FRMD3: variants seen among roughly 807,000 people sequenced by gnomAD.
FRMD3 encodes FERM domain containing 3, also known as FERM domain-containing protein 3.
In FRMD3, 33 loss-of-function variants were observed where a neutral mutation model predicts 70.2. That is an observed-to-expected ratio of 0.47 (90% CI 0.36 to 0.63). The LOEUF (loss-of-function observed/expected upper bound fraction) is 0.63. Ranked by LOEUF, FRMD3 falls within the 20% of genes least tolerant of loss-of-function variation. FRMD3 has a pLI of 0.00. For synonymous variants in FRMD3, 279 were observed against 255.9 expected, an observed-to-expected ratio of 1.09 and a Z score of -0.86; for missense variants, 632 against 711.4, an observed-to-expected ratio of 0.89 and a Z score of 1.27.
At chr9:83,342,376 G>T (rs1437943501) in intron 5 of FRMD3, among the ~76,000 whole-genome samples, 1 of 152,182 alleles carries the variant, frequency 6.6e-6, no homozygotes, top group African/African-American at 2.4e-5. Flanking sequence ...CACTTCTAAT[G>T]GGCCTGCGCT....
intron 1 of FRMD3, among the ~76,000 whole-genome samples, chr9:83,533,225 C>T (rs1469873484): frequency 2.0e-5 from 3 of 152,108 alleles, no homozygotes; most frequent in Non-Finnish European, 4.4e-5. Flanking sequence ...ACCCAAATTG[C>T]TAACCTCTTT....
At chr9:83,371,074 C>T (rs72743091) in intron 3 of FRMD3, among the ~76,000 whole-genome samples, 1 of 151,980 alleles carries the variant, frequency 6.6e-6, no homozygotes, top group Non-Finnish European at 1.5e-5. Context: ...TATTTCAAAA[C>T]TGGGTATGGC....
intron 2 of FRMD3, 139 bp from the exon 3 acceptor site, chr9:83,373,094 C>T: frequency 1.5e-6 from 1 of 679,028 alleles, no homozygotes; most frequent in Non-Finnish European, 2.6e-6. Context: ...CTCTGAAGAC[C>T]AACATAAACA....
chr9:83,372,614 G>T (rs1415171987), intron 3 of FRMD3, among the ~76,000 whole-genome samples: 1 of 152,010 alleles, frequency 6.6e-6, no homozygotes, highest in East Asian at 1.9e-4. Flanking sequence ...CAGGTACCTG[G>T]TGGCTGTGTT....
In FRMD3 at chr9:83,356,271, A is replaced by ATTTTTTTTTTTTTTTTTT. The variant is rs869149609; in HGVS notation, c.296-6532_296-6515dup. 3.0e-4 allele frequency among the ~76,000 whole-genome samples: 28 copies of ATTTTTTTTTTTTTTTTTT among 94,436 alleles called. 2 individuals carry two copies. The highest frequency in any genetic ancestry group is 1.2e-3 in the African/African-American group (27 of 21,632). The allele number at this position is 94,436 out of a possible 152,430, so 62.0% of individuals were successfully genotyped here. Reference sequence around the variant, plus strand: ...TGAGAGAGAAGCATCACTCAGCAGCATTTTTTTTTTTTTTTTTTTTTTTTG... The same window carrying ATTTTTTTTTTTTTTTTTT: ...TGAGAGAGAAGCATCACTCAGCAGCATTTTTTTTTTTTTTTTTTTTTTTTTTTTTTTTTTTTTTTTTTG... On this transcript the variant is annotated intron_variant, in intron 3 of 13. Coordinates refer to ENST00000304195, the MANE Select transcript of FRMD3 (RefSeq NM_174938.6).
intron 1 of FRMD3, among the ~76,000 whole-genome samples, chr9:83,425,671 C>T (rs1306582481): frequency 2.0e-5 from 3 of 151,984 alleles, no homozygotes; most frequent in African/African-American, 4.8e-5. Context: ...TATGGGAGGC[C>T]GAGGCGGGAG....
intron 13 of FRMD3, among the ~76,000 whole-genome samples, chr9:83,264,309 A>G (rs571900343): frequency 7.9e-5 from 12 of 152,286 alleles, no homozygotes; most frequent in Admixed American, 7.8e-4. Flanking sequence ...GAATTAGGGG[A>G]AGAGAGAGAG....
intron 13 of FRMD3, among the ~76,000 whole-genome samples, chr9:83,275,061 T>C (rs1478163659): frequency 1.3e-5 from 2 of 151,972 alleles, no homozygotes; most frequent in African/African-American, 4.8e-5. Context: ...AAAAAAGAAG[T>C]CATGAGTGGA....
chr9:83,582,382 A>G, the FRMD3 span, among the ~76,000 whole-genome samples: 1 of 152,220 alleles, frequency 6.6e-6, no homozygotes, highest in Non-Finnish European at 1.5e-5. Flanking sequence ...AAGTGATACT[A>G]TTTAGTTTAA....
At chr9:83,432,700 A>G (rs75444531) in intron 1 of FRMD3, among the ~76,000 whole-genome samples, 2,402 of 152,376 alleles carry the variant, frequency 0.016, 64 homozygotes, top group African/African-American at 0.054. Flanking sequence ...TAAGTTTAAT[A>G]TGAAAGGAAT....
At chr9:83,379,933 A>G (rs932587721) in intron 2 of FRMD3, among the ~76,000 whole-genome samples, 4 of 152,156 alleles carry the variant, frequency 2.6e-5, no homozygotes, top group Non-Finnish European at 4.4e-5. Flanking sequence ...GCCCAGCATT[A>G]CACACTTGCT....
At chr9:83,399,785 G>A (rs148381300) in intron 1 of FRMD3, among the ~76,000 whole-genome samples, 12 of 152,166 alleles carry the variant, frequency 7.9e-5, no homozygotes, top group South Asian at 6.2e-4. Flanking sequence ...GATAAAGAAC[G>A]TCTACCACAT....
chr9:83,573,887 T>C, the FRMD3 span, among the ~76,000 whole-genome samples: 1 of 151,996 alleles, frequency 6.6e-6, no homozygotes, highest in Non-Finnish European at 1.5e-5. Context: ...TTTGGGTCAA[T>C]CAAAAGTGAC....
the FRMD3 span, among the ~76,000 whole-genome samples, chr9:83,547,787 A>G: frequency 6.6e-6 from 1 of 152,212 alleles, no homozygotes; most frequent in Non-Finnish European, 1.5e-5. Context: ...CCATACTTTA[A>G]GCAACAAAAC....
At chr9:83,467,749 T>A (rs990909236) in intron 1 of FRMD3, 2 of 1,509,644 alleles carry the variant, frequency 1.3e-6, no homozygotes, top group African/African-American at 2.8e-5. Context: ...GGCTCCAATC[T>A]AAGCTCGCTG....
the FRMD3 span, among the ~76,000 whole-genome samples, chr9:83,568,496 G>A: frequency 0.07 from 10,674 of 152,228 alleles, 490 homozygotes; most frequent in Non-Finnish European, 0.098. Context: ...CAACAACATG[G>A]ATGAATCTGG....
intron 1 of FRMD3, among the ~76,000 whole-genome samples, chr9:83,435,582 T>C (rs892658713): frequency 6.6e-6 from 1 of 151,616 alleles, no homozygotes. Context: ...TTTTAGCCAG[T>C]TACTTCTTGG....
At chr9:83,490,407 G>A (rs1435547711) in intron 1 of FRMD3, among the ~76,000 whole-genome samples, 1 of 151,948 alleles carries the variant, frequency 6.6e-6, no homozygotes, top group Non-Finnish European at 1.5e-5. Flanking sequence ...TCATGCCTTA[G>A]CCTCCTGAGT....
rs553872916 is a variant in FRMD3, at chr9:83,290,801, C to A, written c.1071-74G>T. On this transcript the variant is annotated intron_variant, in intron 12 of 13. Coordinates refer to ENST00000304195, the MANE Select transcript of FRMD3 (RefSeq NM_174938.6). ...GGCCCCTCCATCTCAGCGGGCTGCC[C>A]AAGCTACCATTTTGTGTCTACAGGG... The A allele has an allele frequency of 8.0e-6, 12 of 1,504,172 alleles. No individual in the cohort carries two copies. The East Asian group carries it at 2.5e-4, about 31-fold the overall frequency. The allele number at this position is 1,504,172 out of a possible 1,614,324, so 93.2% of individuals were successfully genotyped here.
Sources: gnomAD v4.1 joint callset for allele counts (sites outside exome capture counted in the v4.1 genomes callset) on GRCh38, gnomAD v4.1.1 for gene constraint, MANE v1.5 for transcripts, NCBI Gene and HGNC (gene_info 2026-07-23, HGNC 2026-07-21) for gene names.